Variants in RAD51B observed in about 807,000 individuals in gnomAD.
RAD51B encodes the protein DNA repair protein RAD51 homolog 2.
Under a neutral mutation model 42.2 loss-of-function variants are expected in RAD51B, and 38 were observed. The ratio of observed to expected loss-of-function variants is 0.90; its 90% CI spans 0.70 to 1.18. RAD51B has a LOEUF of 1.18. Among genes scored for constraint, RAD51B ranks in the 50% most tolerant of loss-of-function variants. The probability of loss-of-function intolerance (pLI) is 0.00; values close to 1 mark genes in which losing one functional copy is unlikely to be tolerated. For missense variants in RAD51B, 373 were observed against 400.7 expected (o/e 0.93, Z 0.59); for synonymous variants, 154 against 145.2 (o/e 1.06, Z -0.43).
chr14:68,252,775 CT>C (rs1193007633), intron 7 of RAD51B, among the ~76,000 whole-genome samples: 1 of 152,058 alleles, frequency 6.6e-6, no homozygotes, highest in Non-Finnish European at 1.5e-5. Flanking sequence ...GTTATATGTT[CT>C]TTTTTTCTTA....
chr14:67,859,450 G>T (rs968600009), intron 4 of RAD51B, among the ~76,000 whole-genome samples: 2 of 152,196 alleles, frequency 1.3e-5, no homozygotes, highest in Admixed American at 1.3e-4. Flanking sequence ...AAGATGTCCA[G>T]AAAAAGTGAA....
intron 10 of RAD51B, among the ~76,000 whole-genome samples, chr14:68,647,487 T>C (rs1345025938): frequency 6.6e-6 from 1 of 152,220 alleles, no homozygotes; most frequent in African/African-American, 2.4e-5. Context: ...AATACTTGAT[T>C]AATTTTATTA....
At chr14:68,673,162 C>T (rs915240305) in intron 11 of RAD51B, among the ~76,000 whole-genome samples, 4 of 152,146 alleles carry the variant, frequency 2.6e-5, no homozygotes, top group South Asian at 4.1e-4. Flanking sequence ...CCTGTTTTCA[C>T]GCTGAGAAAA....
At chr14:68,249,158 C>T (rs768746063) in intron 7 of RAD51B, among the ~76,000 whole-genome samples, 1 of 152,236 alleles carries the variant, frequency 6.6e-6, no homozygotes, top group Non-Finnish European at 1.5e-5. Context: ...CATTGCCTCT[C>T]AGTTTCTTCC....
chr14:68,054,144 A>C (rs1395288837), intron 7 of RAD51B, among the ~76,000 whole-genome samples: 1 of 152,178 alleles, frequency 6.6e-6, no homozygotes, highest in East Asian at 1.9e-4. Context: ...ATACAATACT[A>C]TTATCTAGTC....
At chr14:68,210,369 G>A (rs1217913922) in intron 7 of RAD51B, among the ~76,000 whole-genome samples, 3 of 152,188 alleles carry the variant, frequency 2.0e-5, no homozygotes, top group Non-Finnish European at 4.4e-5. Context: ...AAATAAAGGT[G>A]ATCAGTATTT....
chr14:67,842,268 A>T (rs1309762183), intron 4 of RAD51B, among the ~76,000 whole-genome samples: 2 of 152,220 alleles, frequency 1.3e-5, no homozygotes, highest in African/African-American at 4.8e-5. Context: ...AAAGTCATTT[A>T]TCAGTTCTGG....
rs2076560748 is a variant in RAD51B at position 68,061,076 on chromosome 14, T to C, written c.756+173872T>C. Among the ~76,000 whole-genome samples the C allele has an allele frequency of 3.9e-5, 5 of 129,382 alleles. No homozygotes were observed. The South Asian group carries it at 7.4e-4, about 19-fold the overall frequency. 84.9% of individuals were successfully genotyped at this position (129,382 alleles called of 152,430 possible). ...GTCTTTTTTTTTTTTTTTTTTTTTT[T>C]CTTTTCTTTTGAGACACAGTCTTGC... On this transcript the variant is annotated intron_variant, in intron 7 of 10. Coordinates refer to ENST00000471583, the MANE Select transcript of RAD51B (RefSeq NM_133510.4).
At chr14:68,094,997 C>T (rs2077168001) in intron 7 of RAD51B, among the ~76,000 whole-genome samples, 2 of 152,170 alleles carry the variant, frequency 1.3e-5, no homozygotes, top group Admixed American at 6.5e-5. Flanking sequence ...TGCTTGTATA[C>T]ACCTGCCACA....
chr14:67,941,871 T>C (rs1461391270), intron 7 of RAD51B, among the ~76,000 whole-genome samples: 3 of 152,244 alleles, frequency 2.0e-5, no homozygotes, highest in African/African-American at 4.8e-5. Context: ...TCTCATCTTT[T>C]ATGCAGCTGC....
At chr14:68,449,364 A>C (rs1250235292) in intron 9 of RAD51B, among the ~76,000 whole-genome samples, 1 of 152,228 alleles carries the variant, frequency 6.6e-6, no homozygotes, top group African/African-American at 2.4e-5. Flanking sequence ...CCCAAAGAGC[A>C]TGGTAAACAT....
Position 68,427,941 on chromosome 14 carries a change from A to G in RAD51B, c.957+16414A>G, listed in dbSNP as rs2084893702. On this transcript the variant is annotated intron_variant, in intron 9 of 10. Transcript: ENST00000471583. ...TTTAAGAATTGATTTAGGCCATAAG[A>G]GCTCATCTGTCATGAATGGATTAAT... Among the ~76,000 whole-genome samples, 3 of 152,220 alleles carry G rather than the reference A, an allele frequency of 2.0e-5. No individual in the cohort carries two copies. The South Asian group carries it at 6.2e-4, about 32-fold the overall frequency.
intron 3 of RAD51B, among the ~76,000 whole-genome samples, chr14:67,827,670 C>T (rs927572961): frequency 6.6e-6 from 1 of 152,114 alleles, no homozygotes; most frequent in Admixed American, 6.5e-5. Context: ...TGTGTTGTTC[C>T]CTTCCGTGTG....
At chr14:68,052,391 T>C (rs1007909992) in intron 7 of RAD51B, among the ~76,000 whole-genome samples, 5 of 152,146 alleles carry the variant, frequency 3.3e-5, no homozygotes, top group Non-Finnish European at 7.4e-5. Context: ...TTTTCTTTTT[T>C]TAACTGATGA....
At chr14:68,325,862 G>A (rs561192500) in intron 8 of RAD51B, among the ~76,000 whole-genome samples, 8 of 152,064 alleles carry the variant, frequency 5.3e-5, no homozygotes, top group Non-Finnish European at 8.8e-5. Flanking sequence ...ACTTAACACT[G>A]TAATTTATCT....
chr14:67,960,087 A>G (rs1328626323), intron 7 of RAD51B, among the ~76,000 whole-genome samples: 3 of 151,882 alleles, frequency 2.0e-5, no homozygotes, highest in Non-Finnish European at 4.4e-5. Flanking sequence ...TCCATCTCAA[A>G]AAAAAAAAAG....
chr14:68,589,115 C>T (rs1890622640), intron 10 of RAD51B, among the ~76,000 whole-genome samples: 1 of 152,190 alleles, frequency 6.6e-6, no homozygotes, highest in South Asian at 2.1e-4. Flanking sequence ...TGCATGTCTC[C>T]ACCCATTCTG....
intron 8 of RAD51B, among the ~76,000 whole-genome samples, chr14:68,403,017 A>G (rs1368812042): frequency 6.6e-6 from 1 of 152,224 alleles, no homozygotes; most frequent in Non-Finnish European, 1.5e-5. Flanking sequence ...AGCTGGCCAC[A>G]GGCTATCATG....
intron 7 of RAD51B, among the ~76,000 whole-genome samples, chr14:67,920,493 A>T (rs894118952): frequency 6.6e-6 from 1 of 152,026 alleles, no homozygotes; most frequent in South Asian, 2.1e-4. Context: ...GTTATGTCTA[A>T]TCTCATTTCT....
Sources: gnomAD v4.1 joint callset for allele counts (sites outside exome capture counted in the v4.1 genomes callset) on GRCh38, gnomAD v4.1.1 for gene constraint, MANE v1.5 for transcripts, NCBI Gene and HGNC (gene_info 2026-07-23, HGNC 2026-07-21) for gene names.